Variants in FHIT observed in about 807,000 individuals in gnomAD.
FHIT encodes the protein bis(5'-adenosyl)-triphosphatase.
FHIT carries 19 observed loss-of-function variants against 17.9 expected under a neutral mutation model. The observed-to-expected ratio is 1.06, with a 90% CI of 0.74 to 1.56. The LOEUF (loss-of-function observed/expected upper bound fraction) is 1.56. Among genes scored for constraint, FHIT ranks in the 40% most tolerant of loss-of-function variants. The pLI is 0.00. For missense variants in FHIT, 248 were observed against 189.2 expected (o/e 1.31, Z -1.82); for synonymous variants, 81 against 69.7 (o/e 1.16, Z -0.81).
intron 8 of FHIT, among the ~76,000 whole-genome samples, chr3:59,840,118 T>C (rs964040152): frequency 1.3e-5 from 2 of 152,188 alleles, no homozygotes; most frequent in Non-Finnish European, 2.9e-5. Context: ...TGTTTCCCTC[T>C]GACTACAGGT....
chr3:60,244,092 T>C (rs941901184), intron 5 of FHIT, among the ~76,000 whole-genome samples: 1 of 152,262 alleles, frequency 6.6e-6, no homozygotes, highest in East Asian at 1.9e-4. Flanking sequence ...CAAGCCAGTA[T>C]ATATATTAAA....
At chr3:60,740,027 C>T (rs1256989522) in intron 4 of FHIT, among the ~76,000 whole-genome samples, 1 of 152,200 alleles carries the variant, frequency 6.6e-6, no homozygotes. Flanking sequence ...ATCCTTCTAT[C>T]TGATTAGAGA....
At chr3:60,831,197 G>C (rs563721152) in intron 3 of FHIT, among the ~76,000 whole-genome samples, 2 of 152,244 alleles carry the variant, frequency 1.3e-5, no homozygotes, top group South Asian at 4.1e-4. Flanking sequence ...ATAATGAGGA[G>C]ATTCTCAAAA....
At chr3:60,989,365 C>A (rs565165261) in intron 3 of FHIT, among the ~76,000 whole-genome samples, 1 of 151,710 alleles carries the variant, frequency 6.6e-6, no homozygotes, top group Non-Finnish European at 1.5e-5. Context: ...CTTTGTTGCT[C>A]AGTCTGGTCC....
intron 3 of FHIT, among the ~76,000 whole-genome samples, chr3:60,834,082 T>C (rs1373583678): frequency 2.0e-5 from 3 of 152,194 alleles, no homozygotes; most frequent in Non-Finnish European, 4.4e-5. Flanking sequence ...CAGATAAAGC[T>C]CTATGAAAAT....
intron 5 of FHIT, among the ~76,000 whole-genome samples, chr3:60,047,661 A>G (rs1701706860): frequency 6.6e-6 from 1 of 152,236 alleles, no homozygotes; most frequent in South Asian, 2.1e-4. Context: ...AATTATAATG[A>G]TTAGAATAAC....
chr3:61,027,197 C>T (rs2032779302), intron 3 of FHIT, among the ~76,000 whole-genome samples: 1 of 152,226 alleles, frequency 6.6e-6, no homozygotes, highest in East Asian at 1.9e-4. Flanking sequence ...AGTGATTCTC[C>T]TACCTCAGCC....
chr3:60,573,534 T>C (rs1553656483), intron 4 of FHIT, among the ~76,000 whole-genome samples: 2 of 152,122 alleles, frequency 1.3e-5, no homozygotes, highest in African/African-American at 4.8e-5. Context: ...TTCTGTCCCC[T>C]CAGTAACAAA....
chr3:59,789,112 G>T (rs1346598760), intron 8 of FHIT, among the ~76,000 whole-genome samples: 1 of 152,086 alleles, frequency 6.6e-6, no homozygotes, highest in East Asian at 1.9e-4. Context: ...CTGCTAAAAT[G>T]ACTATGACAA....
chr3:59,935,671 G>A (rs1706199484), intron 7 of FHIT, among the ~76,000 whole-genome samples: 1 of 151,806 alleles, frequency 6.6e-6, no homozygotes, highest in Non-Finnish European at 1.5e-5. Context: ...TGATGGATGG[G>A]TGAATGGATG....
At chr3:60,213,074 C>T (rs750233103) in intron 5 of FHIT, among the ~76,000 whole-genome samples, 3 of 152,082 alleles carry the variant, frequency 2.0e-5, no homozygotes, top group African/African-American at 4.8e-5. Flanking sequence ...TGGTTTATTG[C>T]GTTGATTATT....
At chr3:60,470,058 T>TTCTTTCTTTCTCTCTCTCTC (rs1323971036) in intron 5 of FHIT, among the ~76,000 whole-genome samples, 1 of 142,940 alleles carries the variant, frequency 7.0e-6, no homozygotes, top group African/African-American at 2.7e-5. Context: ...CTCTCTTTCT[T>TTCTTTCTTTCTCTCTCTCTC]TCTCTCTCTC....
chr3:60,376,098 T>G (rs1336374252), intron 5 of FHIT, among the ~76,000 whole-genome samples: 1 of 152,230 alleles, frequency 6.6e-6, no homozygotes, highest in African/African-American at 2.4e-5. Context: ...CTTGTAGGAC[T>G]TGGCATATTT....
At chr3:60,927,433 G>T (rs1046558116) in intron 3 of FHIT, among the ~76,000 whole-genome samples, 1 of 152,094 alleles carries the variant, frequency 6.6e-6, no homozygotes, top group Non-Finnish European at 1.5e-5. Flanking sequence ...GAGCATCTCT[G>T]CCCAGCCGCC....
chr3:60,697,212 A>C (rs1037147258), intron 4 of FHIT, among the ~76,000 whole-genome samples: 8 of 152,206 alleles, frequency 5.3e-5, no homozygotes, highest in African/African-American at 1.9e-4. Context: ...CTGGTAATAA[A>C]GGTATCAATT....
chr3:60,181,476 T>G (rs985384850), intron 5 of FHIT, among the ~76,000 whole-genome samples: 1 of 152,170 alleles, frequency 6.6e-6, no homozygotes, highest in Non-Finnish European at 1.5e-5. Flanking sequence ...ATTTTACAGA[T>G]GGGAACATCT....
intron 3 of FHIT, among the ~76,000 whole-genome samples, chr3:60,835,178 T>C (rs1553743575): frequency 6.6e-6 from 1 of 152,134 alleles, no homozygotes; most frequent in Non-Finnish European, 1.5e-5. Context: ...CACTTTATTA[T>C]TTCTTTTTCA....
At chr3:60,835,855 T>C (rs149554378) in intron 3 of FHIT, among the ~76,000 whole-genome samples, 40 of 152,298 alleles carry the variant, frequency 2.6e-4, no homozygotes, top group African/African-American at 9.4e-4. Context: ...GCTCCAGCAA[T>C]CCACCTGCCT....
intron 3 of FHIT, among the ~76,000 whole-genome samples, chr3:60,850,806 T>G (rs1703125224): frequency 6.6e-6 from 1 of 152,160 alleles, no homozygotes; most frequent in Non-Finnish European, 1.5e-5. Context: ...TTCTTTTCTC[T>G]AAGCAGAATT....
Sources: allele counts gnomAD v4.1 joint callset (sites outside exome capture counted in the v4.1 genomes callset), GRCh38; gene constraint gnomAD v4.1.1; transcripts MANE v1.5; gene names NCBI Gene and HGNC (gene_info 2026-07-23, HGNC 2026-07-21).